Variants in SIX5 observed in about 807,000 individuals in gnomAD.
SIX5 encodes the protein homeobox protein SIX5.
A neutral mutation model predicts 37.1 loss-of-function variants in SIX5; 21 were observed. The ratio of observed to expected loss-of-function variants is 0.57; its 90% confidence interval spans 0.40 to 0.81. The LOEUF is 0.81. Among genes scored for constraint, SIX5 ranks in the 40% least tolerant of loss-of-function variants. The pLI, the probability that SIX5 is intolerant of heterozygous loss-of-function variation, is 0.00. For missense variants in SIX5, 1,137 were observed against 1,025.1 expected, an observed-to-expected ratio of 1.11 and a Z score of -1.49; for synonymous variants, 626 against 505.9, an observed-to-expected ratio of 1.24 and a Z score of -3.19.
intron 1 of SIX5, 95 bp downstream of exon 1, chr19:45,767,947 C>T (rs2146208330): frequency 7.6e-7 from 1 of 1,310,364 alleles, no homozygotes; most frequent in Non-Finnish European, 1.0e-6. Flanking sequence ...CCGAGGACCT[C>T]GGCGCGCCGG....
intron 1 of SIX5, 72 bp from the exon 2 acceptor site, chr19:45,767,227 C>T: frequency 6.7e-7 from 1 of 1,488,792 alleles, no homozygotes; most frequent in Non-Finnish European, 9.2e-7. Flanking sequence ...GCCAGCTGCT[C>T]CCCCACCTTT....
rs1011286592 is a variant in SIX5 at position 45,765,608 on chromosome 19, G to A, written c.2113C>T (p.Leu705Phe). ...TCACCCCCTGCGGTGGCCCCCAGGA[G>A]CAGCCCCTCAGGGTCGGGGTCTGGC... is the stretch of plus-strand genomic sequence containing the variant. ...RLPDPDPEGL[L>F]LGATAGGEVD... The change falls in exon 3 of 3, where the codon CTC becomes TTC. Residue 705 changes from leucine (L) to phenylalanine (F), a missense_variant. Coordinates refer to ENST00000317578, the MANE Select transcript of SIX5 (RefSeq NM_175875.5). The A allele has an allele frequency of 5.6e-6, 9 of 1,612,412 alleles. No individual in the cohort carries two copies. The highest frequency in any genetic ancestry group is 1.3e-5 in the African/African-American group (1 of 74,924).
chr19:45,767,983 G>A (rs1969116174), intron 1 of SIX5, 59 bp downstream of exon 1: 1 of 1,541,622 alleles, frequency 6.5e-7, no homozygotes, highest in South Asian at 1.2e-5. Context: ...CGGGGGAAGA[G>A]GGCTGGTGGA....
rs1315235526 is a variant in SIX5 at position 45,767,035 on chromosome 19, C to T, written c.924G>A (p.Gly308=). The T allele has an allele frequency of 3.1e-6, 5 of 1,609,922 alleles. No individual in the cohort carries two copies. Among genetic ancestry groups the T allele is most frequent in the Admixed American group, 3.3e-5 (2 of 59,904 alleles). ...AAAQGSIFLA[G]TGPPAPCPAS... is the part of the protein sequence containing the mutation. ...CCGGGCAAGGCGCGGGAGGGCCGGT[C>T]CCTGCCAGGAATATGGAGCCCTGGG... is the stretch of plus-strand genomic sequence containing the variant. The change falls in exon 2 of 3, where the codon GGG becomes GGA. Residue 308 remains glycine (G), a synonymous_variant. Transcript: ENST00000317578.
Position 45,768,683 on chromosome 19 carries a change from C to CGCCCCG in SIX5, c.156_161dup (p.Gly55_Ala56dup), listed in dbSNP as rs563227896. ...CCTCAGCTCCCGCAGCCGCTGCGCCCGCCCCGGCCCCGGCCGCCGCCGCCG... is the reference window on the plus strand; with the variant it reads ...CCTCAGCTCCCGCAGCCGCTGCGCCCGCCCCGGCCCCGGCCCCGGCCGCCGCCGCCG... On this transcript the variant is annotated inframe_insertion, in exon 1 of 3. Coordinates refer to ENST00000317578, the MANE Select transcript of SIX5 (RefSeq NM_175875.5). The CGCCCCG allele has an allele frequency of 6.2e-4, 805 of 1,301,148 alleles. 7 individuals are homozygous for CGCCCCG. In the African/African-American group the frequency reaches 0.01, roughly 17 times the overall value. 80.6% of individuals were successfully genotyped at this position (1,301,148 alleles called of 1,614,324 possible). A position where few individuals can be genotyped will look rare whatever the true frequency, so the allele number is the denominator to read the frequency against.
At chr19:45,766,133 G>A (rs1191988696) in intron 2 of SIX5, 22 bp from the exon 3 acceptor site, 2 of 1,606,304 alleles carry the variant, frequency 1.2e-6, no homozygotes, top group African/African-American at 1.3e-5. Context: ...GAGGGACCGA[G>A]CGCAGGTGAG....
In SIX5 at chr19:45,767,171, G is replaced by C; in HGVS notation, c.804-16C>G. On this transcript the variant is annotated splice_polypyrimidine_tract_variant and intron_variant, in intron 1 of 2. Transcript: ENST00000317578. ...ATCAGACTCGCTGGCCGGAGAAATG[G>C]CTGTCAGCTGGGGTCCCTTAGCCTG... The C allele has an allele frequency of 1.9e-6, 3 of 1,609,174 alleles. No homozygotes were observed. The highest frequency in any genetic ancestry group is 2.5e-6 in the Non-Finnish European group (3 of 1,179,052).
In SIX5 at chr19:45,768,501, G is replaced by A. The variant is rs1250173529; in HGVS notation, c.344C>T (p.Pro115Leu). The A allele has an allele frequency of 1.3e-6, 2 of 1,494,924 alleles. No individual in the cohort carries two copies. Among genetic ancestry groups the A allele is most frequent in the Non-Finnish European group, 1.8e-6 (2 of 1,130,122 alleles). The allele number at this position is 1,494,924 out of a possible 1,614,324, so 92.6% of individuals were successfully genotyped here. Residue 115 changes from proline (P) to leucine (L), a missense_variant, in exon 1 of 3, where the codon CCC becomes CTC. This residue lies in a region of SIX5 where 331 missense variants were observed against 360.9 expected (regional missense o/e 0.92). Transcript: ENST00000317578. ...GCTGCCACGTAGGCGCTCGGCCGGG[G>A]GCAGTGCGCCCAGGAAGCGGCTCAA... Reference protein sequence around the residue: ...GRLSRFLGALPPAERLRGSDP... With the variant: ...GRLSRFLGALLPAERLRGSDP...
At position 45,764,973 on chromosome 19, in the gene SIX5, C is replaced by T. The variant is rs1969036489; in HGVS notation, c.*528G>A. The T allele has an allele frequency of 1.0e-5, 2 of 196,818 alleles. No individual in the cohort carries two copies. The highest frequency in any genetic ancestry group is 1.1e-5 in the Non-Finnish European group (1 of 93,462). 12.2% of individuals were successfully genotyped at this position (196,818 alleles called of 1,614,324 possible). ...AGGGGAGCTGGTGAAGGAAGACCCC[C>T]GTCTCCCCACAGCTGCCCCACCCCC... On this transcript the variant is annotated 3_prime_UTR_variant, in exon 3 of 3. Coordinates refer to ENST00000317578, the MANE Select transcript of SIX5 (RefSeq NM_175875.5).
In SIX5 at chr19:45,769,035, T is replaced by G. The variant is rs1314788961; in HGVS notation, c.-191A>C. 1.8e-6 allele frequency: 1 copy of G among 555,200 alleles called. No individual in the cohort carries two copies. The highest frequency in any genetic ancestry group is 4.7e-4 in the Middle Eastern group (1 of 2,108). The allele number at this position is 555,200 out of a possible 1,614,324, so 34.4% of individuals were successfully genotyped here. A position where few individuals can be genotyped will look rare whatever the true frequency, so the allele number is the denominator to read the frequency against. ...ACTCGGGTCTCTGTCCCCTTGTGTG[T>G]GTCCGTCCCCCTCCCGTCTGTCTGT... On this transcript the variant is annotated 5_prime_UTR_variant, in exon 1 of 3. Coordinates refer to ENST00000317578, the MANE Select transcript of SIX5 (RefSeq NM_175875.5).
At position 45,768,857 on chromosome 19, in the gene SIX5, T is replaced by C. The variant is rs991690517; in HGVS notation, c.-13A>G. ...GCAAGGTAGCCATGTTTTGCAACTT[T>C]GGGAAGTTCCTCCCTCCCTCTCTTC... On this transcript the variant is annotated 5_prime_UTR_variant, in exon 1 of 3. Transcript: ENST00000317578. 10 of 1,529,946 alleles carry C rather than the reference T, an allele frequency of 6.5e-6. No individual in the cohort carries two copies. Among genetic ancestry groups the C allele is most frequent in the Non-Finnish European group, 8.7e-6 (10 of 1,144,410 alleles). The allele number at this position is 1,529,946 out of a possible 1,614,324, so 94.8% of individuals were successfully genotyped here.
At position 45,765,135 on chromosome 19, in the gene SIX5, G is replaced by A; in HGVS notation, c.*366C>T. On this transcript the variant is annotated 3_prime_UTR_variant, in exon 3 of 3. Transcript: ENST00000317578. ...AGAGCTATTAATAGTGTTTCAGGGA[G>A]TGACAGGGAGAGGGCTCTGGGGGCT... The A allele has an allele frequency of 2.6e-6, 1 of 382,444 alleles. No individual in the cohort carries two copies. Among genetic ancestry groups the A allele is most frequent in the Non-Finnish European group, 5.0e-6 (1 of 200,942 alleles). 23.7% of individuals were successfully genotyped at this position (382,444 alleles called of 1,614,324 possible).
chr19:45,766,458 G>T lies in SIX5; in HGVS notation c.1501C>A (p.Pro501Thr), dbSNP rs763096962. 31 of 1,538,300 alleles carry T rather than the reference G, an allele frequency of 2.0e-5. No homozygotes were observed. Among genetic ancestry groups the T allele is most frequent in the Non-Finnish European group, 2.7e-5 (31 of 1,140,134 alleles). Residue 501 changes from proline to threonine, a missense_variant, in exon 2 of 3, where the codon CCA (proline) becomes ACA (threonine). Around this residue, in one of 3 missense-constraint regions of SIX5, gnomAD observed 787 missense variants for 621.4 expected, o/e 1.27. Transcript: ENST00000317578. ...VGPLQLLAAGPGSPVKVAAAA... is the reference protein window; with the variant it reads ...VGPLQLLAAGTGSPVKVAAAA... ...GCTGCCACCTTCACAGGGCTGCCTG[G>T]CCCGGCTGCCAACAGCTGCAGGGGC...
rs1368710751 is a variant in SIX5 at position 45,765,693 on chromosome 19, C to T, written c.2028G>A (p.Glu676=). 1 of 1,613,212 alleles carries T rather than the reference C, an allele frequency of 6.2e-7. No homozygotes were observed. Among genetic ancestry groups the T allele is most frequent in the South Asian group, 1.1e-5 (1 of 91,090 alleles). The part of the protein sequence containing the change: ...SAGLELSAGT[E]GLLEAEKGLG... ...GCCCCTTTTCCGCTTCCAGCAGCCC[C>T]TCTGTTCCTGCGCTTAGTTCCAGCC... is the stretch of plus-strand genomic sequence containing the variant. Residue 676 remains glutamate (E), a synonymous_variant, in exon 3 of 3, where the codon GAG becomes GAA. Coordinates refer to ENST00000317578, the MANE Select transcript of SIX5 (RefSeq NM_175875.5).
intron 1 of SIX5, among the ~76,000 whole-genome samples, 178 bp from the exon 2 acceptor site, chr19:45,767,333 C>G (rs1191922623): frequency 1.3e-5 from 2 of 152,216 alleles, no homozygotes; most frequent in South Asian, 4.1e-4. Flanking sequence ...TGCGTGGACA[C>G]CACTGCAGAG....
chr19:45,766,787 CCT>C lies in SIX5; in HGVS notation c.1170_1171del (p.Glu392GlyfsTer12), dbSNP rs1969085328. The C allele has an allele frequency of 1.9e-6, 3 of 1,577,336 alleles. No homozygotes were observed. Among genetic ancestry groups the C allele is most frequent in the Non-Finnish European group, 1.7e-6 (2 of 1,164,706 alleles). ...CTGAGCCTCCTCCAGCCGCACCTCC[CCT>C]GTCTGAGGGTCCAGGACCAGAGAGG... On this transcript the variant is annotated frameshift_variant, in exon 2 of 3. Transcript: ENST00000317578. LOFTEE classifies it high-confidence loss of function.
chr19:45,766,886 G>A lies in SIX5; in HGVS notation c.1073C>T (p.Pro358Leu). 8 of 1,549,410 alleles carry A rather than the reference G, an allele frequency of 5.2e-6. No individual in the cohort carries two copies. Among genetic ancestry groups the A allele is most frequent in the Non-Finnish European group, 7.0e-6 (8 of 1,149,870 alleles). Reference sequence around the variant, plus strand: ...ACCCCCGCCCCCAGTGAGCAGCAGCGGGCCCAGGCTGGAGGCCTCGCCCAG... The same window carrying A: ...ACCCCCGCCCCCAGTGAGCAGCAGCAGGCCCAGGCTGGAGGCCTCGCCCAG... The part of the protein sequence containing the change: ...LALGEASSLG[P>L]LLLTGGGGAP... The change falls in exon 2 of 3, where the codon CCG becomes CTG. Residue 358 changes from proline to leucine, a missense_variant. Physicochemically the swap from Pro to Leu is moderately conservative, Grantham distance 98 (BLOSUM62 -3). Transcript: ENST00000317578.
Position 45,765,931 on chromosome 19 carries a change from T to A in SIX5, c.1790A>T (p.Glu597Val), listed in dbSNP as rs1424403931. 1.9e-6 allele frequency: 3 copies of A among 1,591,674 alleles called. No individual in the cohort carries two copies. The highest frequency in any genetic ancestry group is 1.3e-5 in the African/African-American group (1 of 74,544). The change falls in exon 3 of 3, where the codon GAG becomes GTG. Residue 597 changes from glutamate to valine, a missense_variant. By Grantham distance (121) the Glu-to-Val change is moderately radical (BLOSUM62 -2). This residue lies in a region of SIX5 where 787 missense variants were observed against 621.4 expected (regional missense o/e 1.27). Transcript: ENST00000317578. ...GCTGGGGGCCACCGGGAGGCCTCCC[T>A]CAGGCACGGAGATGGCCGTCTCTGG... is the stretch of plus-strand genomic sequence containing the variant. ...LKPETAISVP[E>V]GGLPVAPSPA...
intron 2 of SIX5, 28 bp from the exon 3 acceptor site, chr19:45,766,139 G>GT: frequency 6.2e-7 from 1 of 1,604,038 alleles, no homozygotes; most frequent in Non-Finnish European, 8.5e-7. Flanking sequence ...CCGAGCGCAG[G>GT]TGAGAGCCAG....
Sources: allele counts gnomAD v4.1 joint callset (sites outside exome capture counted in the v4.1 genomes callset), GRCh38; gene constraint gnomAD v4.1.1; regional missense constraint gnomAD v4.1.1; transcripts MANE v1.5; gene names NCBI Gene and HGNC (gene_info 2026-07-23, HGNC 2026-07-21).